Variants in SLC4A4 observed in about 807,000 individuals in gnomAD.
The protein encoded by SLC4A4 is electrogenic sodium bicarbonate cotransporter 1.
A neutral mutation model predicts 111.5 loss-of-function variants in SLC4A4; 27 were observed. The observed-to-expected ratio is 0.24, with a 90% CI of 0.18 to 0.33. SLC4A4 has a LOEUF of 0.33. Ranked by LOEUF, SLC4A4 falls within the 10% of genes least tolerant of loss-of-function variation. SLC4A4 has a pLI of 1.00. For synonymous variants in SLC4A4, 443 were observed against 463.4 expected (o/e 0.96, Z 0.57); for missense variants, 909 against 1,315.5 (o/e 0.69, Z 4.78).
chr4:71,410,739 GT>G (rs1216996736), intron 7 of SLC4A4, among the ~76,000 whole-genome samples: 1 of 152,000 alleles, frequency 6.6e-6, no homozygotes, highest in Non-Finnish European at 1.5e-5. Flanking sequence ...TACTAGTGTG[GT>G]TTTTTTGGTT....
At chr4:71,382,821 T>G (rs987424889) in intron 6 of SLC4A4, among the ~76,000 whole-genome samples, 2 of 152,184 alleles carry the variant, frequency 1.3e-5, no homozygotes, top group Non-Finnish European at 2.9e-5. Flanking sequence ...ATTGTTCCAC[T>G]GTGTTGTGTT....
intron 4 of SLC4A4, among the ~76,000 whole-genome samples, chr4:71,345,439 G>A (rs1012125435): frequency 2.0e-5 from 3 of 152,116 alleles, no homozygotes; most frequent in Non-Finnish European, 4.4e-5. Flanking sequence ...TTGTATGAAT[G>A]TTTGTTAAAG....
At chr4:71,099,736 A>C (rs117278050) in intron 2 of SLC4A4, among the ~76,000 whole-genome samples, 1,822 of 152,192 alleles carry the variant, frequency 0.012, 34 homozygotes, top group East Asian at 0.049. Context: ...CCAAATAAAC[A>C]CAATTAGAAA....
chr4:71,431,852 G>A (rs1171006253), intron 7 of SLC4A4, among the ~76,000 whole-genome samples: 1 of 151,404 alleles, frequency 6.6e-6, no homozygotes, highest in African/African-American at 2.4e-5. Flanking sequence ...CAGTCAGTAG[G>A]TTCCAGATTG....
intron 3 of SLC4A4, among the ~76,000 whole-genome samples, chr4:71,315,581 G>A (rs1726616393): frequency 6.6e-6 from 1 of 152,120 alleles, no homozygotes. Flanking sequence ...TACTTCTGGG[G>A]TTGAGTACAG....
chr4:71,327,886 AT>A (rs769347294), intron 3 of SLC4A4, among the ~76,000 whole-genome samples: 11 of 151,948 alleles, frequency 7.2e-5, no homozygotes, highest in Non-Finnish European at 1.5e-4. Context: ...ATAATTATTC[AT>A]TGTAGTCACC....
intron 3 of SLC4A4, among the ~76,000 whole-genome samples, chr4:71,282,257 CAACT>C (rs1240890917): frequency 1.3e-5 from 2 of 150,682 alleles, no homozygotes; most frequent in African/African-American, 4.9e-5. Context: ...AGTGGACAGG[CAACT>C]AACTGAGTTA....
At chr4:71,422,757 T>G (rs949864604) in intron 7 of SLC4A4, among the ~76,000 whole-genome samples, 2 of 152,100 alleles carry the variant, frequency 1.3e-5, no homozygotes, top group African/African-American at 4.8e-5. Flanking sequence ...TCTCAATAGA[T>G]GCAGAAAAGG....
chr4:71,466,299 G>A, intron 12 of SLC4A4, 145 bp from the exon 13 acceptor site: 1 of 887,936 alleles, frequency 1.1e-6, no homozygotes, highest in Non-Finnish European at 1.8e-6. Context: ...TATGCATATG[G>A]GTAAAAGACT....
At chr4:71,316,265 AC>A (rs1726668477) in intron 3 of SLC4A4, among the ~76,000 whole-genome samples, 1 of 152,164 alleles carries the variant, frequency 6.6e-6, no homozygotes, top group Non-Finnish European at 1.5e-5. Context: ...CAACAGCCTT[AC>A]TTTTGAAAAA....
At chr4:71,352,784 A>G (rs183388296) in intron 5 of SLC4A4, among the ~76,000 whole-genome samples, 185 of 152,360 alleles carry the variant, frequency 1.2e-3, no homozygotes, top group Non-Finnish European at 1.8e-3. Flanking sequence ...AGCAGAGTGT[A>G]GAGAAATGAG....
At chr4:71,346,425 G>A (rs1291435839) in intron 4 of SLC4A4, among the ~76,000 whole-genome samples, 2 of 142,782 alleles carry the variant, frequency 1.4e-5, no homozygotes, top group African/African-American at 5.1e-5. Context: ...TTATGAAGGG[G>A]AGATAGTGGC....
intron 1 of SLC4A4, among the ~76,000 whole-genome samples, chr4:71,207,148 G>T (rs1274038904): frequency 6.6e-6 from 1 of 152,152 alleles, no homozygotes; most frequent in Non-Finnish European, 1.5e-5. Context: ...CTGAAGTGAT[G>T]CCTGCTCATA....
intron 5 of SLC4A4, among the ~76,000 whole-genome samples, chr4:71,350,841 T>C (rs1412546831): frequency 2.6e-5 from 4 of 152,082 alleles, no homozygotes; most frequent in Non-Finnish European, 5.9e-5. Context: ...TTCCCCATAA[T>C]CCCAGGGTAG....
intron 16 of SLC4A4, among the ~76,000 whole-genome samples, chr4:71,514,091 T>G (rs1732166335): frequency 6.6e-6 from 1 of 152,180 alleles, no homozygotes; most frequent in Non-Finnish European, 1.5e-5. Context: ...TGACCTGTAT[T>G]TGTCTTTTTT....
At chr4:71,145,544 C>G (rs1474060550) in intron 2 of SLC4A4, among the ~76,000 whole-genome samples, 1 of 152,100 alleles carries the variant, frequency 6.6e-6, no homozygotes, top group African/African-American at 2.4e-5. Flanking sequence ...CCTTGTACCT[C>G]TGGTAGAATT....
At position 71,318,565 on chromosome 4, in the gene SLC4A4, C is replaced by A. The variant is rs540447207; in HGVS notation, c.254-20805C>A. On this transcript the variant is annotated intron_variant, in intron 3 of 25. Transcript: ENST00000264485. ...TTATATTAGTGACCAAAGAAAAAAA[C>A]CAATTAGAAATTGACTTTCAGAATT... is the stretch of plus-strand genomic sequence containing the variant. Among the ~76,000 whole-genome samples, 8 of 152,040 alleles carry A rather than the reference C, an allele frequency of 5.3e-5. No homozygotes were observed. In the East Asian group the frequency reaches 7.7e-4, roughly 15 times the overall value.
At chr4:71,203,653 T>C (rs188663599) in intron 1 of SLC4A4, among the ~76,000 whole-genome samples, 11 of 152,308 alleles carry the variant, frequency 7.2e-5, no homozygotes, top group Admixed American at 7.2e-4. Context: ...GTTTTTTAAA[T>C]GAATAAATGC....
chr4:71,377,136 A>T lies in SLC4A4; in HGVS notation c.730+19949A>T, dbSNP rs556046658. Among the ~76,000 whole-genome samples the T allele has an allele frequency of 8.5e-5, 13 of 152,342 alleles. No individual in the cohort carries two copies. In the East Asian group the frequency reaches 2.1e-3, roughly 25 times the overall value. On this transcript the variant is annotated intron_variant, in intron 6 of 25. Transcript: ENST00000264485. ...TTAATTCCTAATGTAACACGTATTG[A>T]TAGATATGACCCAAATAAACAGACC...
Sources: gnomAD v4.1 joint callset for allele counts (sites outside exome capture counted in the v4.1 genomes callset) on GRCh38, gnomAD v4.1.1 for gene constraint, MANE v1.5 for transcripts, NCBI Gene and HGNC (gene_info 2026-07-23, HGNC 2026-07-21) for gene names.